The following ANXA8 variants were observed in gnomAD, a reference collection of about 807,000 sequenced individuals.
ANXA8 encodes the protein annexin A8, also known as VAC-beta.
Under a neutral mutation model 26.8 loss-of-function variants are expected in ANXA8, and 9 were observed. The ratio of observed to expected loss-of-function variants is 0.34; its 90% CI spans 0.20 to 0.59. ANXA8 has a LOEUF of 0.59. Among genes scored for constraint, ANXA8 ranks in the 20% least tolerant of loss-of-function variants. The pLI, the probability that ANXA8 is intolerant of heterozygous loss-of-function variation, is 0.84. For missense variants in ANXA8, 83 were observed against 238.5 expected, an observed-to-expected ratio of 0.35 and a Z score of 4.29; for synonymous variants, 39 against 94.8, an observed-to-expected ratio of 0.41 and a Z score of 3.42.
At chr10:47,632,175 C>T in the ANXA8 span, among the ~76,000 whole-genome samples, 1 of 151,728 alleles carries the variant, frequency 6.6e-6, no homozygotes, top group African/African-American at 2.4e-5. Context: ...GTGATTAGTA[C>T]ATGTGTGATT....
chr10:47,513,566 C>A, the ANXA8 span, among the ~76,000 whole-genome samples: 40 of 140,974 alleles, frequency 2.8e-4, 7 homozygotes, highest in Admixed American at 1.9e-3. Flanking sequence ...CAAACAAGAA[C>A]CGGCACAGCC....
At chr10:47,572,704 T>A in the ANXA8 span, among the ~76,000 whole-genome samples, 1 of 127,212 alleles carries the variant, frequency 7.9e-6, no homozygotes, top group Admixed American at 8.2e-5. Context: ...GCAACAAGAG[T>A]GAAACTCCGT....
the ANXA8 span, among the ~76,000 whole-genome samples, chr10:47,777,381 G>A: frequency 6.6e-6 from 1 of 151,930 alleles, no homozygotes; most frequent in African/African-American, 2.4e-5. Flanking sequence ...TCGAACTCCC[G>A]GGCTCAAGCA....
At chr10:47,697,402 A>C in the ANXA8 span, among the ~76,000 whole-genome samples, 1 of 151,760 alleles carries the variant, frequency 6.6e-6, no homozygotes, top group Non-Finnish European at 1.5e-5. Context: ...ATAAGCTAGC[A>C]AAATATATTT....
the ANXA8 span, among the ~76,000 whole-genome samples, chr10:47,677,008 C>T: frequency 9.9e-6 from 1 of 100,982 alleles, no homozygotes; most frequent in African/African-American, 4.4e-5. Context: ...AAAAAAAAAA[C>T]AACCTGTTAA....
chr10:47,952,560 A>G, the ANXA8 span, among the ~76,000 whole-genome samples: 1 of 147,358 alleles, frequency 6.8e-6, no homozygotes. Flanking sequence ...GTAAAAAACT[A>G]TGAAACATTG....
chr10:47,953,503 C>T, the ANXA8 span, among the ~76,000 whole-genome samples: 1 of 150,776 alleles, frequency 6.6e-6, no homozygotes, highest in Admixed American at 6.6e-5. Flanking sequence ...CTTCGAAAAA[C>T]AGTTTGGAAG....
the ANXA8 span, among the ~76,000 whole-genome samples, chr10:47,513,056 G>T: frequency 7.5e-6 from 1 of 133,670 alleles, no homozygotes. Context: ...TTTTTGAGAT[G>T]GAGTCTTGCT....
chr10:47,717,533 C>T, the ANXA8 span, among the ~76,000 whole-genome samples: 1 of 123,194 alleles, frequency 8.1e-6, no homozygotes, highest in African/African-American at 3.6e-5. Context: ...GAAATGAAGA[C>T]GCTTACCCAG....
the ANXA8 span, among the ~76,000 whole-genome samples, chr10:47,587,665 T>C: frequency 4.8e-5 from 7 of 146,978 alleles, no homozygotes; most frequent in Admixed American, 3.3e-4. Context: ...ATAATATCTT[T>C]CTTACCTAAT....
the ANXA8 span, among the ~76,000 whole-genome samples, chr10:47,954,731 T>C: frequency 1.3e-5 from 2 of 150,830 alleles, no homozygotes; most frequent in African/African-American, 2.4e-5. Flanking sequence ...CTCCTAGGTA[T>C]TTATTTATTC....
At chr10:47,645,209 C>A in the ANXA8 span, among the ~76,000 whole-genome samples, 1 of 148,950 alleles carries the variant, frequency 6.7e-6, no homozygotes, top group Non-Finnish European at 1.5e-5. Context: ...TGACCAGAAT[C>A]ATTGTAAAAT....
chr10:47,587,422 A>T, the ANXA8 span, among the ~76,000 whole-genome samples: 1 of 147,438 alleles, frequency 6.8e-6, no homozygotes, highest in Non-Finnish European at 1.5e-5. Flanking sequence ...CATCATGGTC[A>T]TTATCATAAC....
the ANXA8 span, among the ~76,000 whole-genome samples, chr10:47,688,482 T>C: frequency 7.8e-4 from 118 of 151,306 alleles, 3 homozygotes; most frequent in African/African-American, 2.7e-3. Context: ...AGTGCAGTGG[T>C]GAGATCTTGG....
chr10:47,693,099 C>T, the ANXA8 span, among the ~76,000 whole-genome samples: 2 of 151,668 alleles, frequency 1.3e-5, no homozygotes, highest in Admixed American at 6.6e-5. Flanking sequence ...TTAAAATTGA[C>T]ACATGGTGTA....
the ANXA8 span, chr10:47,507,676 G>A: frequency 9.1e-6 from 13 of 1,430,264 alleles, 3 homozygotes; most frequent in Admixed American, 2.3e-4. Flanking sequence ...AACTCTCCTA[G>A]CGGCCCTGAA....
chr10:47,956,598 T>A, the ANXA8 span, among the ~76,000 whole-genome samples: 1 of 150,530 alleles, frequency 6.6e-6, no homozygotes, highest in East Asian at 2.1e-4. Context: ...ATTTTCTTTT[T>A]CAGGCTGGAG....
At chr10:47,636,576 GA>G in the ANXA8 span, among the ~76,000 whole-genome samples, 3 of 142,916 alleles carry the variant, frequency 2.1e-5, no homozygotes, top group South Asian at 6.4e-4. Flanking sequence ...GATGAGTTTG[GA>G]CCAATATCAT....
the ANXA8 span, among the ~76,000 whole-genome samples, chr10:47,688,319 T>A: frequency 6.7e-6 from 1 of 149,006 alleles, no homozygotes; most frequent in African/African-American, 2.5e-5. Flanking sequence ...CTTACTATGT[T>A]GTCCAAGCTG....
Sources: allele counts gnomAD v4.1 joint callset (sites outside exome capture counted in the v4.1 genomes callset), GRCh38; gene constraint gnomAD v4.1.1; transcripts MANE v1.5; gene names NCBI Gene and HGNC (gene_info 2026-07-23, HGNC 2026-07-21).